The following GPR161 variants were observed in gnomAD, a reference collection of about 807,000 sequenced individuals.
GPR161 encodes G protein-coupled receptor 161.
A neutral mutation model predicts 39.2 loss-of-function variants in GPR161; 25 were observed. That is an observed-to-expected ratio of 0.64 (90% CI 0.47 to 0.89). The LOEUF is 0.89. Ranked by LOEUF, GPR161 falls within the 40% of genes least tolerant of loss-of-function variation. The probability of loss-of-function intolerance (pLI) is 0.00; values close to 1 mark genes in which losing one functional copy is unlikely to be tolerated. For missense variants in GPR161, 547 were observed against 677.8 expected (o/e 0.81, Z 2.14); for synonymous variants, 286 against 276.6 (o/e 1.03, Z -0.34).
At position 168,085,324 on chromosome 1, in the gene GPR161, C is replaced by G. The variant is rs1038600045; in HGVS notation, c.*207G>C. Reference sequence around the variant, plus strand: ...ATCACTGGGACCTAAAAGAAGCTCACATGTGGTCTCTGGAAATGCTGAAGC... The same window carrying G: ...ATCACTGGGACCTAAAAGAAGCTCAGATGTGGTCTCTGGAAATGCTGAAGC... On this transcript the variant is annotated 3_prime_UTR_variant, in exon 6 of 6. Transcript: ENST00000682931. The G allele has an allele frequency of 5.0e-6, 3 of 596,742 alleles. No individual in the cohort carries two copies. Among genetic ancestry groups the G allele is most frequent in the Non-Finnish European group, 8.9e-6 (3 of 335,814 alleles). The allele number at this position is 596,742 out of a possible 1,614,324, so 37.0% of individuals were successfully genotyped here. A position where few individuals can be genotyped will look rare whatever the true frequency, so the allele number is the denominator to read the frequency against.
rs1697015208 is a variant in GPR161, at chr1:168,110,425, G to A, written c.-44-5531C>T. 2.7e-5 allele frequency among the ~76,000 whole-genome samples: 4 copies of A among 150,380 alleles called. No individual in the cohort carries two copies. The South Asian group carries it at 8.4e-4, about 32-fold the overall frequency. Reference sequence around the variant, plus strand: ...GTTGGAGAATAATCACCAGAGCCCAGGAGGTTGAGGCTGCAGTGAGCCGTG... The same window carrying A: ...GTTGGAGAATAATCACCAGAGCCCAAGAGGTTGAGGCTGCAGTGAGCCGTG... On this transcript the variant is annotated intron_variant, in intron 1 of 5. Transcript: ENST00000682931.
intron 3 of GPR161, among the ~76,000 whole-genome samples, chr1:168,094,538 T>C (rs888160920): frequency 2.6e-5 from 4 of 152,356 alleles, no homozygotes; most frequent in East Asian, 1.9e-4. Flanking sequence ...AGTGATGCCA[T>C]TGTGTCTCAT....
chr1:168,120,244 G>A (rs1260112353), intron 1 of GPR161, among the ~76,000 whole-genome samples: 1 of 152,246 alleles, frequency 6.6e-6, no homozygotes, highest in Non-Finnish European at 1.5e-5. Context: ...CTGGATGTGA[G>A]ACATAGAGTC....
intron 1 of GPR161, among the ~76,000 whole-genome samples, chr1:168,130,905 A>T (rs1698938436): frequency 6.6e-6 from 1 of 152,182 alleles, no homozygotes; most frequent in Admixed American, 6.5e-5. Context: ...AAAGAAGCCT[A>T]GGACATCCTA....
Position 168,081,184 on chromosome 1 carries a change from G to GA in GPR161, c.*4346dup, listed in dbSNP as rs1694051185. 1 of 152,098 alleles carries GA rather than the reference G, an allele frequency of 6.6e-6. No homozygotes were observed. The highest frequency in any genetic ancestry group is 1.5e-5 in the Non-Finnish European group (1 of 68,018). 9.4% of individuals were successfully genotyped at this position (152,098 alleles called of 1,614,324 possible). A position where few individuals can be genotyped will look rare whatever the true frequency, so the allele number is the denominator to read the frequency against. On this transcript the variant is annotated 3_prime_UTR_variant, in exon 6 of 6. Transcript: ENST00000682931. Reference sequence around the variant, plus strand: ...CGGCTGAGGATAGACATTTTTAATAGAAAATCTCATTTTGGCTCCCTTAGA... The same window carrying GA: ...CGGCTGAGGATAGACATTTTTAATAGAAAAATCTCATTTTGGCTCCCTTAGA...
intron 4 of GPR161, 36 bp downstream of exon 4, chr1:168,090,528 G>A (rs1021240614): frequency 7.3e-6 from 9 of 1,233,814 alleles, no homozygotes; most frequent in East Asian, 4.7e-5. Context: ...CAGGGAAAAC[G>A]CGACAGGTGA....
intron 4 of GPR161, chr1:168,088,302 C>G (rs989747126): frequency 6.6e-5 from 10 of 152,628 alleles, no homozygotes; most frequent in African/African-American, 2.4e-4. Context: ...GAAGGAAGAG[C>G]TGAGATGGGA....
At position 168,080,196 on chromosome 1, in the gene GPR161, A is replaced by G. The variant is rs572832623; in HGVS notation, c.*5335T>C. Reference sequence around the variant, plus strand: ...TTTTTTTTAGGTCTGGCCAGCAGATATTAATATCTCCCAAGATCCTTGGTT... The same window carrying G: ...TTTTTTTTAGGTCTGGCCAGCAGATGTTAATATCTCCCAAGATCCTTGGTT... On this transcript the variant is annotated 3_prime_UTR_variant, in exon 6 of 6. Transcript: ENST00000682931. The G allele has an allele frequency of 1.1e-4, 17 of 152,252 alleles. No individual in the cohort carries two copies. The highest frequency in any genetic ancestry group is 4.1e-4 in the African/African-American group (17 of 41,534). 9.4% of individuals were successfully genotyped at this position (152,252 alleles called of 1,614,324 possible).
intron 3 of GPR161, among the ~76,000 whole-genome samples, chr1:168,091,774 C>T (rs1695090102): frequency 6.6e-6 from 1 of 152,106 alleles, no homozygotes; most frequent in Non-Finnish European, 1.5e-5. Flanking sequence ...AAAAGAGCTG[C>T]AGGCTATGAA....
At chr1:168,119,563 C>G (rs1203658257) in intron 1 of GPR161, among the ~76,000 whole-genome samples, 1 of 151,982 alleles carries the variant, frequency 6.6e-6, no homozygotes, top group Non-Finnish European at 1.5e-5. Flanking sequence ...CTAGAGACTT[C>G]TGCAGATGGA....
At chr1:168,124,002 A>C (rs1698408814) in intron 1 of GPR161, among the ~76,000 whole-genome samples, 1 of 152,228 alleles carries the variant, frequency 6.6e-6, no homozygotes, top group Admixed American at 6.5e-5. Flanking sequence ...ACACAGGTTG[A>C]AAGTGAGAAG....
intron 2 of GPR161, among the ~76,000 whole-genome samples, chr1:168,103,871 G>A (rs564438885): frequency 2.6e-5 from 4 of 152,304 alleles, no homozygotes; most frequent in East Asian, 3.9e-4. Context: ...AGCATAATGC[G>A]GGACCCTGAA....
At chr1:168,104,411 G>T in intron 2 of GPR161, 66 bp downstream of exon 2, 1 of 1,356,150 alleles carries the variant, frequency 7.4e-7, no homozygotes, top group Non-Finnish European at 1.0e-6. Context: ...GGCAGTCAGA[G>T]GGACACTGCA....
At chr1:168,127,973 T>C (rs1698713765) in intron 1 of GPR161, among the ~76,000 whole-genome samples, 1 of 152,148 alleles carries the variant, frequency 6.6e-6, no homozygotes, top group Non-Finnish European at 1.5e-5. Flanking sequence ...AAAGCCCCAC[T>C]ATAGGAAGAT....
intron 1 of GPR161, among the ~76,000 whole-genome samples, chr1:168,125,624 C>CCT (rs1553271502): frequency 7.7e-5 from 11 of 142,208 alleles, no homozygotes; most frequent in East Asian, 4.1e-4. Context: ...CTTCCCCCCC[C>CCT]TTTTTTTTTT....
At chr1:168,112,407 G>A (rs1269020000) in intron 1 of GPR161, among the ~76,000 whole-genome samples, 2 of 147,856 alleles carry the variant, frequency 1.4e-5, no homozygotes, top group East Asian at 2.0e-4. Flanking sequence ...GTGAACCCGG[G>A]AGGCGGAGCT....
chr1:168,123,203 T>C (rs1698319939), intron 1 of GPR161, among the ~76,000 whole-genome samples: 1 of 152,202 alleles, frequency 6.6e-6, no homozygotes, highest in South Asian at 2.1e-4. Context: ...CCCAACACTT[T>C]GGGAGGCCAA....
In GPR161 at chr1:168,085,733, G is replaced by C; in HGVS notation, c.1388C>G (p.Ala463Gly). The C allele has an allele frequency of 6.2e-7, 1 of 1,614,156 alleles. No homozygotes were observed. Among genetic ancestry groups the C allele is most frequent in the Non-Finnish European group, 8.5e-7 (1 of 1,179,996 alleles). ...CTCAATGGCTTTGGCCAAGCTTGCT[G>C]CGTAACTGTCCAAGGACTTGTGTAC... ...AEVHKSLDSYAASLAKAIEAE... is the reference protein window; with the variant it reads ...AEVHKSLDSYGASLAKAIEAE... Residue 463 changes from alanine to glycine, a missense_variant, in exon 6 of 6, where the codon GCA becomes GGA. Ala to Gly is a moderately conservative substitution (Grantham distance 60). Coordinates refer to ENST00000682931, the MANE Select transcript of GPR161 (RefSeq NM_001375883.1).
rs764629478 is a variant in GPR161 at position 168,104,623 on chromosome 1, C to T, written c.228G>A (p.Leu76=). 17 of 1,614,104 alleles carry T rather than the reference C, an allele frequency of 1.1e-5. No individual in the cohort carries two copies. In the South Asian group the frequency reaches 1.8e-4, roughly 17 times the overall value. ...VFSLTLSNFL[L]SVLVLPFVVT... is the part of the protein sequence containing the mutation. ...CCACAAAAGGCAGCACCAACACGGACAGCAGGAAGTTGGACAGAGTCAGGC... is the reference window on the plus strand; with the variant it reads ...CCACAAAAGGCAGCACCAACACGGATAGCAGGAAGTTGGACAGAGTCAGGC... Residue 76 remains leucine, a synonymous_variant, in exon 2 of 6, where the codon CTG becomes CTA. Transcript: ENST00000682931.
Sources: gnomAD v4.1 joint callset for allele counts (sites outside exome capture counted in the v4.1 genomes callset) on GRCh38, gnomAD v4.1.1 for gene constraint, MANE v1.5 for transcripts, NCBI Gene and HGNC (gene_info 2026-07-23, HGNC 2026-07-21) for gene names.